The following NCOR1 variants were observed in gnomAD, a reference collection of about 807,000 sequenced individuals.
The protein encoded by NCOR1 is nuclear receptor corepressor 1, also known as protein phosphatase 1, regulatory subunit 109.
Under a neutral mutation model 288.1 loss-of-function variants are expected in NCOR1, and 63 were observed. That is an observed-to-expected ratio of 0.22 (90% CI 0.18 to 0.27). The LOEUF (loss-of-function observed/expected upper bound fraction) is 0.27. NCOR1 is among the 10% of genes least tolerant of loss of function. The pLI is 1.00. For synonymous variants in NCOR1, 1,007 were observed against 1,065.9 expected (o/e 0.94, Z 1.08); for missense variants, 2,397 against 3,019.2 (o/e 0.79, Z 4.83).
At chr17:16,156,098 G>C (rs540958083) in intron 6 of NCOR1, among the ~76,000 whole-genome samples, 6 of 152,000 alleles carry the variant, frequency 3.9e-5, no homozygotes, top group Non-Finnish European at 8.8e-5. Flanking sequence ...TTCAAGACCT[G>C]GGCAACATAA....
intron 21 of NCOR1, among the ~76,000 whole-genome samples, chr17:16,092,647 T>TTTTATA (rs1340274279): frequency 2.5e-4 from 8 of 32,130 alleles, no homozygotes; most frequent in African/African-American, 1.0e-3. Context: ...TCAGATCCAT[T>TTTTATA]TATATATATA....
At chr17:16,189,553 C>G (rs1380166425) in intron 2 of NCOR1, among the ~76,000 whole-genome samples, 1 of 151,100 alleles carries the variant, frequency 6.6e-6, no homozygotes, top group African/African-American at 2.5e-5. Flanking sequence ...ACATAGAAAC[C>G]ACAGGAAAAA....
intron 1 of NCOR1, among the ~76,000 whole-genome samples, chr17:16,207,247 T>C (rs1029907238): frequency 2.0e-5 from 3 of 152,152 alleles, no homozygotes; most frequent in Non-Finnish European, 4.4e-5. Context: ...AAAACAAACA[T>C]TTTCAAAATT....
intron 14 of NCOR1, among the ~76,000 whole-genome samples, chr17:16,135,038 A>T (rs1001738509): frequency 1.3e-5 from 2 of 151,724 alleles, no homozygotes; most frequent in Non-Finnish European, 2.9e-5. Context: ...GGGTGCCGGT[A>T]GTCCCAGCTA....
At chr17:16,033,351 A>C (rs1597511513) in intron 45 of NCOR1, among the ~76,000 whole-genome samples, 2 of 151,732 alleles carry the variant, frequency 1.3e-5, no homozygotes, top group Non-Finnish European at 2.9e-5. Flanking sequence ...AAAAAAAAAA[A>C]AAAACCCAAA....
intron 26 of NCOR1, among the ~76,000 whole-genome samples, chr17:16,075,962 G>T (rs978345906): frequency 1.3e-5 from 2 of 152,214 alleles, no homozygotes; most frequent in Non-Finnish European, 2.9e-5. Context: ...TCACCTTCAT[G>T]TGAGGACTCT....
intron 10 of NCOR1, among the ~76,000 whole-genome samples, chr17:16,143,958 T>C (rs369310349): frequency 6.6e-6 from 1 of 152,214 alleles, no homozygotes; most frequent in African/African-American, 2.4e-5. Context: ...TAGAAAGTCA[T>C]AATTATTGAT....
intron 42 of NCOR1, among the ~76,000 whole-genome samples, chr17:16,045,855 A>C (rs1376033682): frequency 6.6e-6 from 1 of 151,892 alleles, no homozygotes; most frequent in East Asian, 1.9e-4. Flanking sequence ...ACTCTGGCTT[A>C]GGCTGCAGTG....
intron 32 of NCOR1, chr17:16,065,909 A>G (rs1388162935): frequency 7.2e-6 from 4 of 555,196 alleles, no homozygotes; most frequent in Admixed American, 3.1e-5. Context: ...AAGGGGAAGG[A>G]TAACAGTAGC....
intron 18 of NCOR1, among the ~76,000 whole-genome samples, chr17:16,113,774 T>C (rs1265620877): frequency 6.6e-6 from 1 of 151,994 alleles, no homozygotes; most frequent in Non-Finnish European, 1.5e-5. Flanking sequence ...GCGCCTGTAA[T>C]CCCAGCTGCT....
chr17:16,065,271 T>C (rs937482676), intron 33 of NCOR1, among the ~76,000 whole-genome samples: 2 of 152,214 alleles, frequency 1.3e-5, no homozygotes, highest in African/African-American at 4.8e-5. Flanking sequence ...TTACAAATAC[T>C]CAGCACAAGG....
chr17:16,118,959 C>G (rs1169481007), intron 17 of NCOR1, among the ~76,000 whole-genome samples: 1 of 152,178 alleles, frequency 6.6e-6, no homozygotes, highest in Non-Finnish European at 1.5e-5. Context: ...GCTCTTTCCT[C>G]TGAATCACAG....
At chr17:16,174,937 T>C (rs1038417901) in intron 3 of NCOR1, among the ~76,000 whole-genome samples, 2 of 151,838 alleles carry the variant, frequency 1.3e-5, no homozygotes, top group Admixed American at 1.3e-4. Flanking sequence ...CAAAAACTTG[T>C]ACACGAATAT....
chr17:16,061,308 AT>A, intron 37 of NCOR1, 92 bp downstream of exon 37: 1 of 1,440,598 alleles, frequency 6.9e-7, no homozygotes, highest in South Asian at 1.4e-5. Context: ...AACCGTTAGG[AT>A]TTTTAAATAC....
intron 6 of NCOR1, among the ~76,000 whole-genome samples, chr17:16,155,377 A>C (rs1346718270): frequency 6.6e-6 from 1 of 151,056 alleles, no homozygotes; most frequent in African/African-American, 2.4e-5. Context: ...AAATACACAC[A>C]CACACACACA....
chr17:16,029,293 A>T lies in NCOR1; in HGVS notation c.*3003T>A, dbSNP rs1477171866. 2.2e-6 allele frequency: 1 copy of T among 451,332 alleles called. No individual in the cohort carries two copies. The highest frequency in any genetic ancestry group is 1.6e-5 in the South Asian group (1 of 63,252). 28.0% of individuals were successfully genotyped at this position (451,332 alleles called of 1,614,324 possible). ...GGTGTTTTCATTACAGTTCATTTAC[A>T]CTGTTGTAAAATAAGGTACTGAAGC... is the stretch of plus-strand genomic sequence containing the variant. On this transcript the variant is annotated 3_prime_UTR_variant, in exon 46 of 46. Coordinates refer to ENST00000268712, the MANE Select transcript of NCOR1 (RefSeq NM_006311.4).
intron 32 of NCOR1, among the ~76,000 whole-genome samples, chr17:16,067,186 C>A (rs1310530229): frequency 6.6e-6 from 1 of 152,264 alleles, no homozygotes; most frequent in African/African-American, 2.4e-5. Context: ...GAAACCTGCA[C>A]ATCTGCACCT....
At chr17:16,050,546 G>C (rs866848433) in intron 40 of NCOR1, among the ~76,000 whole-genome samples, 1 of 152,116 alleles carries the variant, frequency 6.6e-6, no homozygotes, top group African/African-American at 2.4e-5. Flanking sequence ...TTGACATAGC[G>C]ATTATGCATA....
intron 3 of NCOR1, among the ~76,000 whole-genome samples, chr17:16,181,197 A>G (rs1488805780): frequency 2.4e-5 from 3 of 123,762 alleles, no homozygotes; most frequent in Non-Finnish European, 5.0e-5. Flanking sequence ...GTGTGTGTGT[A>G]TACATATATA....
Sources: gnomAD v4.1 joint callset for allele counts (sites outside exome capture counted in the v4.1 genomes callset) on GRCh38, gnomAD v4.1.1 for gene constraint, MANE v1.5 for transcripts, NCBI Gene and HGNC (gene_info 2026-07-23, HGNC 2026-07-21) for gene names.